L3MBTL2: variants seen among roughly 807,000 people sequenced by gnomAD.
The protein encoded by L3MBTL2 is lethal(3)malignant brain tumor-like protein 2.
L3MBTL2 carries 49 observed loss-of-function variants against 86.4 expected under a neutral mutation model. The observed-to-expected ratio is 0.57, with a 90% CI of 0.45 to 0.72. The LOEUF is 0.72. Ranked by LOEUF, L3MBTL2 falls within the 30% of genes least tolerant of loss-of-function variation. The probability of loss-of-function intolerance (pLI) is 0.00; values close to 1 mark genes in which losing one functional copy is unlikely to be tolerated. For missense variants in L3MBTL2, 755 were observed against 923.7 expected, an observed-to-expected ratio of 0.82 and a Z score of 2.37; for synonymous variants, 336 against 350.6, an observed-to-expected ratio of 0.96 and a Z score of 0.47.
At chr22:41,208,969 C>T (rs2030480751) in intron 1 of L3MBTL2, among the ~76,000 whole-genome samples, 1 of 152,070 alleles carries the variant, frequency 6.6e-6, no homozygotes. Flanking sequence ...TCTTGAACTC[C>T]TGACTTCGTG....
chr22:41,222,240 GAATACAGA>G (rs2031877389), intron 8 of L3MBTL2, among the ~76,000 whole-genome samples: 1 of 152,150 alleles, frequency 6.6e-6, no homozygotes, highest in Non-Finnish European at 1.5e-5. Flanking sequence ...GGAATACAAA[GAATACAGA>G]CCCTGCCATC....
chr22:41,213,862 G>A (rs368150555), intron 2 of L3MBTL2, 31 bp from the exon 3 acceptor site: 29 of 1,612,546 alleles, frequency 1.8e-5, no homozygotes, highest in African/African-American at 1.1e-4. Context: ...TGGTCATATC[G>A]GGTGAGTCAT....
rs1315488424 is a variant in L3MBTL2 at position 41,225,007 on chromosome 22, G to C, written c.1292G>C (p.Gly431Ala). 1 of 1,614,108 alleles carries C rather than the reference G, an allele frequency of 6.2e-7. No homozygotes were observed. The highest frequency in any genetic ancestry group is 8.5e-7 in the Non-Finnish European group (1 of 1,179,988). ...VYTEGGWFEE[G>A]MKLEAIDPLN... ...ACAGAAGGCGGTTGGTTTGAGGAAGGGATGAAGCTGGAGGCCATTGACCCC... is the reference window on the plus strand; with the variant it reads ...ACAGAAGGCGGTTGGTTTGAGGAAGCGATGAAGCTGGAGGCCATTGACCCC... Residue 431 changes from glycine to alanine, a missense_variant, in exon 11 of 17, where the codon GGG becomes GCG. By Grantham distance (60) the Gly-to-Ala change is moderately conservative. This residue lies in a region of L3MBTL2 where 634 missense variants were observed against 748.9 expected (regional missense o/e 0.85). Coordinates refer to ENST00000216237, the MANE Select transcript of L3MBTL2 (RefSeq NM_031488.5). The surrounding 1 kb of genome is among the most constrained non-coding windows in gnomAD (Gnocchi z 4.1).
chr22:41,226,381 C>G (rs2032186056), intron 12 of L3MBTL2, among the ~76,000 whole-genome samples: 1 of 152,192 alleles, frequency 6.6e-6, no homozygotes, highest in African/African-American at 2.4e-5. Context: ...GGTGACAGAG[C>G]CCACCACCAG....
Position 41,225,784 on chromosome 22 carries a change from C to CA in L3MBTL2, c.1357-9dup. 5 of 1,604,098 alleles carry CA rather than the reference C, an allele frequency of 3.1e-6. No individual in the cohort carries two copies. ...ATATGATCTGTCTGCCTGCTCCCCCCACCCCCCAGGTTCTCCTGGATGGAT... is the reference window on the plus strand; with the variant it reads ...ATATGATCTGTCTGCCTGCTCCCCCCAACCCCCCAGGTTCTCCTGGATGGAT... On this transcript the variant is annotated splice_polypyrimidine_tract_variant and intron_variant, in intron 11 of 16. Transcript: ENST00000216237. The surrounding 1 kb of genome is among the most constrained non-coding windows in gnomAD (Gnocchi z 4.1).
chr22:41,217,410 C>T (rs1006353593), intron 5 of L3MBTL2: 26 of 555,632 alleles, frequency 4.7e-5, no homozygotes, highest in Middle Eastern at 4.8e-4. Flanking sequence ...GCTTCACTCC[C>T]GGTCTGAAGC....
At chr22:41,212,586 C>T (rs2030972187) in intron 2 of L3MBTL2, among the ~76,000 whole-genome samples, 1 of 151,878 alleles carries the variant, frequency 6.6e-6, no homozygotes, top group East Asian at 1.9e-4. Context: ...TTAAAAGCTC[C>T]CCAGGTGGGT....
chr22:41,209,904 G>A lies in L3MBTL2; in HGVS notation c.233G>A (p.Arg78His), dbSNP rs369021229. The change falls in exon 2 of 17, where the codon CGC (arginine) becomes CAC (histidine). Residue 78 changes from arginine to histidine, a missense_variant. Arg to His is a conservative substitution (Grantham distance 29). This residue lies in a region of L3MBTL2 where 103 missense variants were observed against 105.2 expected (regional missense o/e 0.98). Coordinates refer to ENST00000216237, the MANE Select transcript of L3MBTL2 (RefSeq NM_031488.5). ...PLHLLSPGTPRSLDGSGSEPA... is the reference protein window; with the variant it reads ...PLHLLSPGTPHSLDGSGSEPA... ...CATTTGCTCAGCCCTGGGACTCCTC[G>A]CTCCTTGGATGGCAGTGGTTCTGAG... is the stretch of plus-strand genomic sequence containing the variant. 1.4e-5 allele frequency: 22 copies of A among 1,613,762 alleles called. No individual in the cohort carries two copies. Among genetic ancestry groups the A allele is most frequent in the African/African-American group, 5.3e-5 (4 of 74,902 alleles).
At chr22:41,223,034 AG>A (rs2031935002) in intron 8 of L3MBTL2, among the ~76,000 whole-genome samples, 1 of 152,198 alleles carries the variant, frequency 6.6e-6, no homozygotes, top group African/African-American at 2.4e-5. Context: ...GCCCCGAGCC[AG>A]GCCTTACCCT....
chr22:41,205,334 C>T lies in L3MBTL2; in HGVS notation c.-29C>T, dbSNP rs1286398224. 1.9e-6 allele frequency: 3 copies of T among 1,613,972 alleles called. No homozygotes were observed. Among genetic ancestry groups the T allele is most frequent in the East Asian group, 2.2e-5 (1 of 44,890 alleles). ...GGCAGGCCAATATGGCTTCCTGCAC[C>T]TGGTGACGCTTGGCGAAACTGAGGT... On this transcript the variant is annotated 5_prime_UTR_variant, in exon 1 of 17. Transcript: ENST00000216237.
intron 7 of L3MBTL2, 37 bp from the exon 8 acceptor site, chr22:41,221,162 A>G (rs1360823445): frequency 9.3e-6 from 14 of 1,511,498 alleles, no homozygotes; most frequent in Non-Finnish European, 1.3e-5. Flanking sequence ...GAGGTTTGTC[A>G]GTCTGTGTAA....
intron 16 of L3MBTL2, 171 bp downstream of exon 16, chr22:41,229,827 C>T: frequency 8.8e-7 from 1 of 1,139,398 alleles, no homozygotes; most frequent in South Asian, 1.3e-5. Flanking sequence ...GACACGCCCC[C>T]AACTGTGAAT....
At chr22:41,222,687 A>C (rs750344420) in intron 8 of L3MBTL2, among the ~76,000 whole-genome samples, 5 of 151,990 alleles carry the variant, frequency 3.3e-5, no homozygotes, top group Non-Finnish European at 7.4e-5. Flanking sequence ...TGGGAGGCCG[A>C]GGTCAGAAGA....
rs1444681139 is a variant in L3MBTL2, at chr22:41,221,938, G to T, written c.942+651G>T. On this transcript the variant is annotated intron_variant, in intron 8 of 16. Transcript: ENST00000216237. ...TTTTGAGATAGAGTCTCGCTCTGTTGCCCAGGCTGGAGTGCAGTGGCATAA... is the reference window on the plus strand; with the variant it reads ...TTTTGAGATAGAGTCTCGCTCTGTTTCCCAGGCTGGAGTGCAGTGGCATAA... 2.2e-5 allele frequency among the ~76,000 whole-genome samples: 3 copies of T among 135,566 alleles called. No homozygotes were observed. The Admixed American group carries it at 2.2e-4, about 10-fold the overall frequency. 88.9% of individuals were successfully genotyped at this position (135,566 alleles called of 152,430 possible). A position where few individuals can be genotyped will look rare whatever the true frequency, so the allele number is the denominator to read the frequency against.
At position 41,227,112 on chromosome 22, in the gene L3MBTL2, G is replaced by A. The variant is rs761642608; in HGVS notation, c.1611G>A (p.Lys537=). 6.2e-7 allele frequency: 1 copy of A among 1,613,262 alleles called. No individual in the cohort carries two copies. The highest frequency in any genetic ancestry group is 2.2e-5 in the East Asian group (1 of 44,882). The change falls in exon 14 of 17, where the codon AAG becomes AAA. Residue 537 remains lysine (K), a synonymous_variant. Transcript: ENST00000216237. This position sits in a 1 kb window ranked among gnomAD's most constrained non-coding sequence, Gnocchi z 6.0. Reference sequence around the variant, plus strand: ...AGGATTGCCCAAACCATGGCTTCAAGGTGGGCATGAAGCTGGAGGCCGTGG... The same window carrying A: ...AGGATTGCCCAAACCATGGCTTCAAAGTGGGCATGAAGCTGGAGGCCGTGG... ...FNMDCPNHGF[K]VGMKLEAVDL...
chr22:41,229,989 G>A (rs2032473509), intron 16 of L3MBTL2, 150 bp from the exon 17 acceptor site: 1 of 688,732 alleles, frequency 1.5e-6, no homozygotes, highest in Admixed American at 2.5e-5. Flanking sequence ...CTTTGCTGCT[G>A]CCACTGCCCT....
Position 41,230,325 on chromosome 22 carries a change from A to G in L3MBTL2, c.*74A>G, listed in dbSNP as rs979790603. The G allele has an allele frequency of 2.0e-5, 22 of 1,111,738 alleles. No homozygotes were observed. The highest frequency in any genetic ancestry group is 2.7e-6 in the Non-Finnish European group (2 of 732,792). The allele number at this position is 1,111,738 out of a possible 1,614,324, so 68.9% of individuals were successfully genotyped here. A position where few individuals can be genotyped will look rare whatever the true frequency, so the allele number is the denominator to read the frequency against. Reference sequence around the variant, plus strand: ...TCTCTACCACCACCACCATGCCTCCACCTGACTTTGGCTTGGAGACTGATC... The same window carrying G: ...TCTCTACCACCACCACCATGCCTCCGCCTGACTTTGGCTTGGAGACTGATC... On this transcript the variant is annotated 3_prime_UTR_variant, in exon 17 of 17. Coordinates refer to ENST00000216237, the MANE Select transcript of L3MBTL2 (RefSeq NM_031488.5).
intron 4 of L3MBTL2, among the ~76,000 whole-genome samples, chr22:41,216,801 G>A (rs1177769216): frequency 6.6e-6 from 1 of 152,252 alleles, no homozygotes; most frequent in Non-Finnish European, 1.5e-5. Flanking sequence ...GGCCAATCAG[G>A]TTCAGGGCGG....
At chr22:41,210,491 G>A (rs1315690017) in intron 2 of L3MBTL2, among the ~76,000 whole-genome samples, 6 of 152,120 alleles carry the variant, frequency 3.9e-5, no homozygotes, top group African/African-American at 2.4e-5. Flanking sequence ...CATGACGCCC[G>A]GCTAATTTTT....
Sources: gnomAD v4.1 joint callset for allele counts (sites outside exome capture counted in the v4.1 genomes callset) on GRCh38, gnomAD v4.1.1 for gene constraint, gnomAD v4.1.1 regional missense constraint, Gnocchi (gnomAD v3.1) non-coding constraint, MANE v1.5 for transcripts, NCBI Gene and HGNC (gene_info 2026-07-23, HGNC 2026-07-21) for gene names.